EIF3H: variants seen among roughly 807,000 people sequenced by gnomAD.
The protein encoded by EIF3H is eIF-3-gamma.
In EIF3H, 26 loss-of-function variants were observed where a neutral mutation model predicts 44.2. That is an observed-to-expected ratio of 0.59 (90% CI 0.43 to 0.82). The LOEUF (loss-of-function observed/expected upper bound fraction) is 0.82, where lower values mean the gene tolerates loss of function less well. EIF3H is among the 40% of genes least tolerant of loss of function. EIF3H has a pLI of 0.00. For synonymous variants in EIF3H, 166 were observed against 151.9 expected, an observed-to-expected ratio of 1.09 and a Z score of -0.68; for missense variants, 359 against 432.8, an observed-to-expected ratio of 0.83 and a Z score of 1.51.
At chr8:116,724,677 A>AT in intron 2 of EIF3H, among the ~76,000 whole-genome samples, 1 of 152,370 alleles carries the variant, frequency 6.6e-6, no homozygotes, top group East Asian at 1.9e-4. Context: ...ACCAACAAGC[A>AT]TATGAAAAGA....
chr8:116,651,057 A>G (rs1813382824), intron 5 of EIF3H, among the ~76,000 whole-genome samples: 1 of 152,252 alleles, frequency 6.6e-6, no homozygotes, highest in African/African-American at 2.4e-5. Context: ...CAGGGTGATG[A>G]GAATGTTCTA....
chr8:116,703,488 G>A lies in EIF3H; in HGVS notation c.289+22528C>T, dbSNP rs10955787. Among the ~76,000 whole-genome samples, 534 of 152,316 alleles carry A rather than the reference G, an allele frequency of 3.5e-3. 21 individuals are homozygous for A. In the East Asian group the frequency reaches 0.092, roughly 26 times the overall value. ...TGTGATGCTGTGCTTCAGCGGTCAC[G>A]CTCCCGGTCCACTTTCATGTTCCAC... On this transcript the variant is annotated intron_variant, in intron 2 of 7. Transcript: ENST00000521861.
chr8:116,754,392 T>C (rs974363201), intron 1 of EIF3H, among the ~76,000 whole-genome samples: 24 of 152,202 alleles, frequency 1.6e-4, no homozygotes, highest in Non-Finnish European at 2.9e-4. Flanking sequence ...ATTACAGCCG[T>C]GAGCCACCAC....
upstream of EIF3H, among the ~76,000 whole-genome samples, chr8:116,759,766 G>T (rs558591784): frequency 6.6e-6 from 1 of 151,976 alleles, no homozygotes; most frequent in African/African-American, 2.4e-5. Context: ...GTCTTACTTT[G>T]TTGCCCAGGC....
intron 2 of EIF3H, among the ~76,000 whole-genome samples, chr8:116,703,868 C>G (rs560009254): frequency 1.2e-4 from 19 of 152,266 alleles, no homozygotes; most frequent in African/African-American, 4.3e-4. Flanking sequence ...TACCATCTCT[C>G]GTCTCTGCAC....
chr8:116,692,269 G>A (rs1328592154), intron 2 of EIF3H, among the ~76,000 whole-genome samples: 1 of 152,102 alleles, frequency 6.6e-6, no homozygotes, highest in Non-Finnish European at 1.5e-5. Context: ...TAACCCAGAA[G>A]AAACTGGGAG....
chr8:116,745,601 T>C (rs1252988587), intron 1 of EIF3H, among the ~76,000 whole-genome samples: 2 of 152,188 alleles, frequency 1.3e-5, no homozygotes, highest in Non-Finnish European at 2.9e-5. Context: ...CCCAGGATGT[T>C]TGCAGGTTTA....
intron 2 of EIF3H, among the ~76,000 whole-genome samples, chr8:116,680,822 A>AT (rs1442545676): frequency 1.9e-5 from 2 of 103,508 alleles, no homozygotes; most frequent in Non-Finnish European, 4.2e-5. Flanking sequence ...AGAATGATCA[A>AT]TAAAAAAAAA....
intron 1 of EIF3H, chr8:116,737,133 A>G: frequency 3.2e-6 from 1 of 308,152 alleles, no homozygotes; most frequent in Non-Finnish European, 6.3e-6. Context: ...AATTCACACT[A>G]CCCAATATTC....
At chr8:116,702,337 C>G (rs1814392061) in intron 2 of EIF3H, among the ~76,000 whole-genome samples, 2 of 152,200 alleles carry the variant, frequency 1.3e-5, no homozygotes, top group Non-Finnish European at 2.9e-5. Context: ...AATTACTTGT[C>G]TTGGAGATCC....
At chr8:116,729,250 C>T (rs1186390121) in intron 1 of EIF3H, among the ~76,000 whole-genome samples, 1 of 152,104 alleles carries the variant, frequency 6.6e-6, no homozygotes, top group Non-Finnish European at 1.5e-5. Flanking sequence ...CAGCTGATTC[C>T]TACATATGCA....
At chr8:116,711,611 A>G (rs1290780986) in intron 2 of EIF3H, among the ~76,000 whole-genome samples, 1 of 152,260 alleles carries the variant, frequency 6.6e-6, no homozygotes, top group African/African-American at 2.4e-5. Flanking sequence ...AAGATGGTCA[A>G]CTTACAAATT....
At chr8:116,746,234 T>G (rs1361696095) in intron 1 of EIF3H, among the ~76,000 whole-genome samples, 1 of 152,214 alleles carries the variant, frequency 6.6e-6, no homozygotes, top group Non-Finnish European at 1.5e-5. Flanking sequence ...GTAAGACACC[T>G]GAGTTCTGAA....
At chr8:116,766,341 A>C (rs545794296), upstream of EIF3H, 74 of 401,018 alleles carry the variant, frequency 1.8e-4, no homozygotes, top group African/African-American at 1.4e-3. Context: ...CCCGTGCGGA[A>C]TCGCGCACCC....
intron 2 of EIF3H, among the ~76,000 whole-genome samples, chr8:116,705,653 A>T (rs1243800798): frequency 6.6e-6 from 1 of 152,096 alleles, no homozygotes; most frequent in African/African-American, 2.4e-5. Context: ...CACTCTTTAA[A>T]ACTGCCTAGA....
At chr8:116,744,375 T>A (rs891197932) in intron 1 of EIF3H, among the ~76,000 whole-genome samples, 1 of 152,166 alleles carries the variant, frequency 6.6e-6, no homozygotes, top group Admixed American at 6.5e-5. Context: ...ATTAAAAATA[T>A]ATATATTTTG....
intron 1 of EIF3H, among the ~76,000 whole-genome samples, chr8:116,754,641 G>A (rs1051830044): frequency 7.9e-6 from 1 of 126,798 alleles, no homozygotes; most frequent in Admixed American, 8.3e-5. Flanking sequence ...GATGAGGAAA[G>A]CAAAGCCTGG....
At chr8:116,752,743 A>G (rs1436414980) in intron 1 of EIF3H, among the ~76,000 whole-genome samples, 1 of 116,918 alleles carries the variant, frequency 8.6e-6, no homozygotes, top group East Asian at 2.9e-4. Flanking sequence ...AAGAGAAAGA[A>G]AGAAAGAAAG....
chr8:116,697,372 T>C (rs536187579), intron 2 of EIF3H: 15 of 365,768 alleles, frequency 4.1e-5, no homozygotes, highest in South Asian at 1.7e-4. Flanking sequence ...ACCAACCCAA[T>C]TGCTGGTCAG....
Sources: allele counts gnomAD v4.1 joint callset (sites outside exome capture counted in the v4.1 genomes callset), GRCh38; gene constraint gnomAD v4.1.1; transcripts MANE v1.5; gene names NCBI Gene and HGNC (gene_info 2026-07-23, HGNC 2026-07-21).